Variants in TRAPPC13 observed in about 807,000 individuals in gnomAD.
TRAPPC13 encodes REV7-interacting novel NHEJ regulator 1.
TRAPPC13 carries 39 observed loss-of-function variants against 54.0 expected under a neutral mutation model. The observed-to-expected ratio is 0.72, with a 90% CI of 0.56 to 0.94. The LOEUF (loss-of-function observed/expected upper bound fraction) is 0.94, where lower values mean the gene tolerates loss of function less well. TRAPPC13 is among the 40% of genes least tolerant of loss of function. The pLI is 0.00. For synonymous variants in TRAPPC13, 148 were observed against 167.7 expected, an observed-to-expected ratio of 0.88 and a Z score of 0.91; for missense variants, 386 against 488.1, an observed-to-expected ratio of 0.79 and a Z score of 1.97.
intron 1 of TRAPPC13, among the ~76,000 whole-genome samples, chr5:65,632,113 G>C (rs1436739760): frequency 6.6e-6 from 1 of 152,048 alleles, no homozygotes; most frequent in South Asian, 2.1e-4. Flanking sequence ...GGGCATGGTG[G>C]CATGCGACAG....
At chr5:65,656,067 G>A (rs1756641481) in intron 8 of TRAPPC13, among the ~76,000 whole-genome samples, 1 of 152,128 alleles carries the variant, frequency 6.6e-6, no homozygotes, top group African/African-American at 2.4e-5. Context: ...TTTTAAGTCT[G>A]GGTCAGGTGA....
At chr5:65,636,422 A>G (rs1363829557) in intron 3 of TRAPPC13, among the ~76,000 whole-genome samples, 2 of 152,112 alleles carry the variant, frequency 1.3e-5, no homozygotes, top group African/African-American at 4.8e-5. Context: ...GATTGCAGGC[A>G]TGAGCCACCA....
chr5:65,637,826 G>GTT (rs70983681), intron 4 of TRAPPC13, 46 bp downstream of exon 4: 211 of 1,225,408 alleles, frequency 1.7e-4, no homozygotes, highest in Middle Eastern at 6.2e-4. Context: ...TTTAACAAAG[G>GTT]TTTTTTTTTA....
chr5:65,648,694 G>A (rs961168952), intron 5 of TRAPPC13, among the ~76,000 whole-genome samples: 2 of 152,048 alleles, frequency 1.3e-5, no homozygotes, highest in African/African-American at 4.8e-5. Flanking sequence ...TCAGTACTAG[G>A]CAGCACAAGT....
intron 1 of TRAPPC13, among the ~76,000 whole-genome samples, chr5:65,632,018 A>G (rs1256437000): frequency 2.6e-5 from 4 of 152,316 alleles, no homozygotes; most frequent in African/African-American, 9.6e-5. Context: ...AAGAAATAGA[A>G]AACACCAACT....
intron 9 of TRAPPC13, among the ~76,000 whole-genome samples, chr5:65,660,432 A>T (rs533484133): frequency 1.2e-4 from 16 of 137,428 alleles, no homozygotes; most frequent in East Asian, 1.0e-3. Flanking sequence ...AAAATTATTT[A>T]AAAAAAAAAA....
intron 10 of TRAPPC13, chr5:65,661,683 CCT>C (rs369799737): frequency 4.4e-5 from 7 of 159,802 alleles, no homozygotes; most frequent in African/African-American, 1.2e-4. Context: ...ACATCATCCC[CCT>C]CTTTCTTTAG....
intron 6 of TRAPPC13, among the ~76,000 whole-genome samples, chr5:65,651,843 T>G (rs1194672613): frequency 9.2e-4 from 12 of 13,114 alleles, no homozygotes; most frequent in Non-Finnish European, 1.9e-3. Context: ...CGTGATTCAG[T>G]TTTTTTTTTT....
intron 6 of TRAPPC13, among the ~76,000 whole-genome samples, chr5:65,652,038 A>G (rs943057061): frequency 6.6e-6 from 1 of 151,270 alleles, no homozygotes; most frequent in Non-Finnish European, 1.5e-5. Flanking sequence ...TAATTTTTGT[A>G]TTTTTAGTAC....
rs1442491272 is a variant in TRAPPC13 at position 65,664,159 on chromosome 5, T to C, written c.999-78T>C. 2.1e-6 allele frequency: 3 copies of C among 1,425,066 alleles called. No homozygotes were observed. In the African/African-American group the frequency reaches 4.3e-5, roughly 21 times the overall value. The allele number at this position is 1,425,066 out of a possible 1,614,324, so 88.3% of individuals were successfully genotyped here. ...CTGGATATGGAGAAAACAAGTTTAC[T>C]GTCACTAGTAGAAATATTGCAGTAC... On this transcript the variant is annotated intron_variant, in intron 11 of 12. Transcript: ENST00000399438.
At chr5:65,656,227 T>C (rs1182234311) in intron 8 of TRAPPC13, among the ~76,000 whole-genome samples, 1 of 152,232 alleles carries the variant, frequency 6.6e-6, no homozygotes, top group East Asian at 1.9e-4. Context: ...CACTGAATTC[T>C]TAATTTTTAA....
chr5:65,664,533 A>T lies in TRAPPC13; in HGVS notation c.1176A>T (p.Thr392=). ...TCTCTGGCTTAAGACTAACAGACAC[A>T]TTCTTAAAGAGAACATATGAATATG... ...QSISGLRLTD[T]FLKRTYEYDD... Residue 392 remains threonine, a synonymous_variant, in exon 13 of 13, where the codon ACA becomes ACT. Transcript: ENST00000399438. The T allele has an allele frequency of 3.1e-6, 5 of 1,611,804 alleles. No homozygotes were observed. In the Middle Eastern group the frequency reaches 5.0e-4, roughly 160 times the overall value.
intron 4 of TRAPPC13, among the ~76,000 whole-genome samples, 173 bp from the exon 5 acceptor site, chr5:65,646,882 A>G (rs1756231290): frequency 6.6e-6 from 1 of 151,968 alleles, no homozygotes; most frequent in South Asian, 2.1e-4. Flanking sequence ...TGCCATTGCC[A>G]TGGTTCTAAG....
At chr5:65,631,791 C>A (rs796744200) in intron 1 of TRAPPC13, among the ~76,000 whole-genome samples, 4 of 151,992 alleles carry the variant, frequency 2.6e-5, no homozygotes, top group African/African-American at 9.6e-5. Context: ...CCATCTCATC[C>A]CCTGCTAAAC....
At chr5:65,651,842 GTTTTTTTTTTTTTTTTTTTTTTTTTT>G in intron 6 of TRAPPC13, among the ~76,000 whole-genome samples, 1 of 41,162 alleles carries the variant, frequency 2.4e-5, no homozygotes, top group East Asian at 9.5e-4. Context: ...ACGTGATTCA[GTTTTTTTTTTTTTTTTTTTTTTTTTT>G]TTTTTTTTTT....
At chr5:65,644,924 C>T (rs531444865) in intron 4 of TRAPPC13, among the ~76,000 whole-genome samples, 5 of 151,158 alleles carry the variant, frequency 3.3e-5, no homozygotes, top group East Asian at 3.9e-4. Context: ...GGGCTGGGCG[C>T]GGTGGCTCAT....
rs745751305 is a variant in TRAPPC13, at chr5:65,635,999, A to G, written c.171A>G (p.Glu57=). Residue 57 remains glutamate, a synonymous_variant, in exon 3 of 13, where the codon GAA becomes GAG. Coordinates refer to ENST00000399438, the MANE Select transcript of TRAPPC13 (RefSeq NM_024941.4). The stretch of plus-strand genomic sequence containing the variant: ...ATCCTTCAACCGTTAATGGTGCAGA[A>G]GTTTTAATGTTGGGAGAAATGCTGA... ...RDDPSTVNGA[E]VLMLGEMLTL... is the part of the protein sequence containing the mutation. 1 of 1,602,822 alleles carries G rather than the reference A, an allele frequency of 6.2e-7. No homozygotes were observed.
At chr5:65,642,253 G>A (rs1180218621) in intron 4 of TRAPPC13, among the ~76,000 whole-genome samples, 1 of 152,074 alleles carries the variant, frequency 6.6e-6, no homozygotes, top group African/African-American at 2.4e-5. Flanking sequence ...AACTTAGGAG[G>A]CGGAGGTTGC....
At chr5:65,634,085 A>G (rs913577932) in intron 1 of TRAPPC13, among the ~76,000 whole-genome samples, 2 of 141,066 alleles carry the variant, frequency 1.4e-5, no homozygotes, top group African/African-American at 2.7e-5. Context: ...TCCCGGCTTC[A>G]TGCCATTCTC....
Sources: allele counts gnomAD v4.1 joint callset (sites outside exome capture counted in the v4.1 genomes callset), GRCh38; gene constraint gnomAD v4.1.1; transcripts MANE v1.5; gene names NCBI Gene and HGNC (gene_info 2026-07-23, HGNC 2026-07-21).